The following GATAD2A variants were observed in gnomAD, a reference collection of about 807,000 sequenced individuals.
The protein encoded by GATAD2A is GATA zinc finger domain containing 2A.
In GATAD2A, 12 loss-of-function variants were observed where a neutral mutation model predicts 68.5. The ratio of observed to expected loss-of-function variants is 0.18; its 90% confidence interval spans 0.11 to 0.28. The LOEUF (loss-of-function observed/expected upper bound fraction) is 0.28, where lower values mean the gene tolerates loss of function less well. GATAD2A is among the 10% of genes least tolerant of loss of function. The pLI, the probability that GATAD2A is intolerant of heterozygous loss-of-function variation, is 1.00. For missense variants in GATAD2A, 755 were observed against 868.5 expected (o/e 0.87, Z 1.64); for synonymous variants, 410 against 375.3 (o/e 1.09, Z -1.07).
chr19:19,475,689 G>T (rs1178216031), intron 2 of GATAD2A, among the ~76,000 whole-genome samples: 1 of 152,136 alleles, frequency 6.6e-6, no homozygotes, highest in African/African-American at 2.4e-5. Flanking sequence ...GTTCCCTTGG[G>T]AATCTGTTTT....
At chr19:19,494,180 G>A (rs975001342) in intron 4 of GATAD2A, 114 bp from the exon 5 acceptor site, 45 of 605,784 alleles carry the variant, frequency 7.4e-5, no homozygotes, top group Admixed American at 3.7e-4. Context: ...GCCTGATGCC[G>A]TAGAGGAGGA....
intron 2 of GATAD2A, among the ~76,000 whole-genome samples, chr19:19,491,495 C>T (rs1025365670): frequency 6.6e-5 from 10 of 152,262 alleles, no homozygotes; most frequent in East Asian, 1.9e-4. Flanking sequence ...CTGGGACTTA[C>T]GGAGTGGGCA....
At chr19:19,436,018 A>C in intron 1 of GATAD2A, 1 of 448,820 alleles carries the variant, frequency 2.2e-6, no homozygotes, top group South Asian at 1.9e-5. Flanking sequence ...AAACTCAGGA[A>C]ATCTGAAATT....
chr19:19,413,409 G>A (rs1347547925), intron 1 of GATAD2A, among the ~76,000 whole-genome samples: 1 of 152,116 alleles, frequency 6.6e-6, no homozygotes, highest in Non-Finnish European at 1.5e-5. Flanking sequence ...ATCATTGACG[G>A]AACACCTGAA....
At chr19:19,483,969 G>C (rs961322802) in intron 2 of GATAD2A, among the ~76,000 whole-genome samples, 3 of 151,966 alleles carry the variant, frequency 2.0e-5, no homozygotes, top group Admixed American at 6.6e-5. Context: ...CTAGACAACA[G>C]AGCTCTCTTT....
intron 1 of GATAD2A, among the ~76,000 whole-genome samples, chr19:19,416,501 G>A (rs2051662793): frequency 2.0e-5 from 3 of 152,176 alleles, no homozygotes; most frequent in Admixed American, 1.3e-4. Flanking sequence ...TTCCAGAGAT[G>A]AGATCAGGTG....
intron 2 of GATAD2A, among the ~76,000 whole-genome samples, chr19:19,476,723 G>A (rs2058700627): frequency 6.6e-6 from 1 of 152,212 alleles, no homozygotes; most frequent in African/African-American, 2.4e-5. Context: ...AGAACAGGTA[G>A]AAACAGACGG....
At chr19:19,503,385 C>T (rs1172385714) in intron 11 of GATAD2A, among the ~76,000 whole-genome samples, 5 of 151,880 alleles carry the variant, frequency 3.3e-5, no homozygotes, top group Non-Finnish European at 5.9e-5. Flanking sequence ...AAGTGAGGGG[C>T]GTGCCCAGGT....
intron 1 of GATAD2A, among the ~76,000 whole-genome samples, chr19:19,386,705 C>A (rs545050576): frequency 6.6e-6 from 1 of 152,064 alleles, no homozygotes; most frequent in Non-Finnish European, 1.5e-5. Context: ...CTCTAGGCGA[C>A]CCTGCTTCTC....
At chr19:19,495,432 C>G (rs76260281) in intron 5 of GATAD2A, among the ~76,000 whole-genome samples, 1 of 152,136 alleles carries the variant, frequency 6.6e-6, no homozygotes, top group Non-Finnish European at 1.5e-5. Flanking sequence ...CCTCAGCCTT[C>G]TGAGTAGCTG....
intron 2 of GATAD2A, among the ~76,000 whole-genome samples, chr19:19,485,699 A>G (rs569771440): frequency 1.2e-4 from 18 of 152,282 alleles, no homozygotes; most frequent in Non-Finnish European, 1.8e-4. Context: ...GTCAAGTACT[A>G]CGGGGGCTAT....
chr19:19,394,388 TTTG>T (rs2049066052), intron 1 of GATAD2A, among the ~76,000 whole-genome samples: 2 of 152,210 alleles, frequency 1.3e-5, no homozygotes, highest in African/African-American at 4.8e-5. Flanking sequence ...AGATGACTGC[TTTG>T]TTATGTATTG....
intron 2 of GATAD2A, among the ~76,000 whole-genome samples, chr19:19,490,913 C>G (rs1230912815): frequency 6.6e-6 from 1 of 152,084 alleles, no homozygotes; most frequent in African/African-American, 2.4e-5. Context: ...TACAATGAAC[C>G]CAGATCATCA....
intron 1 of GATAD2A, among the ~76,000 whole-genome samples, chr19:19,453,217 G>A (rs569706884): frequency 6.6e-6 from 1 of 152,268 alleles, no homozygotes; most frequent in South Asian, 2.1e-4. Flanking sequence ...GGGCTTTGGT[G>A]TGATTCTCGG....
At chr19:19,436,675 C>T (rs1356029833) in intron 1 of GATAD2A, among the ~76,000 whole-genome samples, 5 of 152,236 alleles carry the variant, frequency 3.3e-5, no homozygotes, top group Admixed American at 6.5e-5. Context: ...AAGCTGCCCC[C>T]GCTGCGTGGA....
chr19:19,432,798 G>T (rs2053900251), intron 1 of GATAD2A, among the ~76,000 whole-genome samples: 1 of 152,236 alleles, frequency 6.6e-6, no homozygotes, highest in Non-Finnish European at 1.5e-5. Context: ...GGGATGGGAT[G>T]CTTGGGTCTG....
At chr19:19,416,686 G>C (rs1295540921) in intron 1 of GATAD2A, among the ~76,000 whole-genome samples, 2 of 151,924 alleles carry the variant, frequency 1.3e-5, no homozygotes, top group African/African-American at 4.8e-5. Flanking sequence ...TAAATTGCTT[G>C]GAAAAATTGG....
At chr19:19,452,605 A>G (rs913423453) in intron 1 of GATAD2A, among the ~76,000 whole-genome samples, 5 of 151,524 alleles carry the variant, frequency 3.3e-5, no homozygotes, top group Admixed American at 2.0e-4. Context: ...AGTGACGTGC[A>G]GAATTGAAGG....
At chr19:19,389,572 C>G (rs1218581672) in intron 1 of GATAD2A, among the ~76,000 whole-genome samples, 2 of 152,090 alleles carry the variant, frequency 1.3e-5, no homozygotes, top group Admixed American at 1.3e-4. Flanking sequence ...TTTCCTGGGC[C>G]CTCTGCTGCT....
Sources: allele counts gnomAD v4.1 joint callset (sites outside exome capture counted in the v4.1 genomes callset), GRCh38; gene constraint gnomAD v4.1.1; transcripts MANE v1.5; gene names NCBI Gene and HGNC (gene_info 2026-07-23, HGNC 2026-07-21).